TGFBI: variants seen among roughly 807,000 people sequenced by gnomAD.
TGFBI encodes transforming growth factor-beta-induced protein ig-h3.
A neutral mutation model predicts 73.7 loss-of-function variants in TGFBI; 50 were observed. The ratio of observed to expected loss-of-function variants is 0.68; its 90% CI spans 0.54 to 0.86. TGFBI has a LOEUF of 0.86. Among genes scored for constraint, TGFBI ranks in the 40% least tolerant of loss-of-function variants. TGFBI has a pLI of 0.00. For missense variants in TGFBI, 839 were observed against 877.0 expected (o/e 0.96, Z 0.55); for synonymous variants, 362 against 360.5 (o/e 1.00, Z -0.05).
intron 3 of TGFBI, chr5:136,044,902 C>A (rs987324965): frequency 2.0e-5 from 3 of 152,170 alleles, no homozygotes; most frequent in Admixed American, 1.3e-4. Flanking sequence ...TATGCATATT[C>A]TTCCATGTAC....
At chr5:136,054,460 A>G (rs1326122795) in intron 9 of TGFBI, among the ~76,000 whole-genome samples, 1 of 152,220 alleles carries the variant, frequency 6.6e-6, no homozygotes, top group African/African-American at 2.4e-5. Context: ...AGGAAGGCAG[A>G]GAAGGGGGCC....
chr5:136,059,344 G>A (rs1310166540), intron 13 of TGFBI, 130 bp downstream of exon 13: 44 of 1,343,048 alleles, frequency 3.3e-5, no homozygotes, highest in Middle Eastern at 2.7e-4. Context: ...AGTGTAATTC[G>A]TCCAAAGAAA....
intron 12 of TGFBI, among the ~76,000 whole-genome samples, chr5:136,057,983 G>A (rs1751679931): frequency 6.6e-6 from 1 of 152,062 alleles, no homozygotes; most frequent in South Asian, 2.1e-4. Flanking sequence ...TGAGGAGGGG[G>A]ATGGGAAAAG....
intron 6 of TGFBI, chr5:136,048,908 G>A (rs1165626645): frequency 1.3e-5 from 2 of 153,798 alleles, no homozygotes; most frequent in Admixed American, 6.4e-5. Flanking sequence ...AACCACTCAG[G>A]CCTTTAGAAG....
At chr5:136,056,537 G>A (rs1751634653) in intron 11 of TGFBI, 128 bp from the exon 12 acceptor site, 8 of 1,220,784 alleles carry the variant, frequency 6.6e-6, no homozygotes, top group Non-Finnish European at 9.4e-6. Context: ...CAAGGTGTGT[G>A]CATTCCAGTG....
In TGFBI at chr5:136,043,537, A is replaced by G. The variant is rs551201024; in HGVS notation, c.234-521A>G. ...TTGGCTATTCAATCAGAGAACTAGAAAATCATGAGAGATTTAATGACCACT... is the reference window on the plus strand; with the variant it reads ...TTGGCTATTCAATCAGAGAACTAGAGAATCATGAGAGATTTAATGACCACT... On this transcript the variant is annotated intron_variant, in intron 2 of 16. Coordinates refer to ENST00000442011, the MANE Select transcript of TGFBI (RefSeq NM_000358.3). Among the ~76,000 whole-genome samples, 273 of 152,304 alleles carry G rather than the reference A, an allele frequency of 1.8e-3. 1 individual carries two copies. The highest frequency in any genetic ancestry group is 3.4e-3 in the Middle Eastern group (1 of 294).
intron 2 of TGFBI, among the ~76,000 whole-genome samples, chr5:136,041,959 G>C (rs939046445): frequency 1.3e-5 from 2 of 152,204 alleles, no homozygotes; most frequent in African/African-American, 4.8e-5. Flanking sequence ...CCATGCCATA[G>C]AGAGTACTGC....
chr5:136,034,641 C>T (rs751589596), intron 2 of TGFBI, among the ~76,000 whole-genome samples: 2 of 151,988 alleles, frequency 1.3e-5, no homozygotes, highest in African/African-American at 4.8e-5. Context: ...TTGTTGATGT[C>T]TGTTTCAGCA....
intron 7 of TGFBI, among the ~76,000 whole-genome samples, chr5:136,052,202 G>A (rs372105897): frequency 2.0e-5 from 3 of 152,254 alleles, no homozygotes; most frequent in African/African-American, 7.2e-5. Flanking sequence ...GCCCTGCCCT[G>A]CCCCCTAAAG....
chr5:136,055,623 G>A, intron 10 of TGFBI, 57 bp from the exon 11 acceptor site: 9 of 1,477,268 alleles, frequency 6.1e-6, no homozygotes, highest in Admixed American at 1.9e-5. Context: ...AACAAATCAG[G>A]AGGCCCCTCG....
At chr5:136,058,035 G>A (rs1003905852) in intron 12 of TGFBI, among the ~76,000 whole-genome samples, 1 of 152,154 alleles carries the variant, frequency 6.6e-6, no homozygotes, top group Non-Finnish European at 1.5e-5. Flanking sequence ...GCACCCCTGG[G>A]GGACAGAGAG....
At chr5:136,044,028 C>T (rs770567633) in intron 2 of TGFBI, 30 bp from the exon 3 acceptor site, 1 of 1,603,442 alleles carries the variant, frequency 6.2e-7, no homozygotes, top group Non-Finnish European at 8.5e-7. Context: ...GAAGCCCTGC[C>T]TAACACAATG....
chr5:136,056,167 T>C (rs1415647507), intron 11 of TGFBI, among the ~76,000 whole-genome samples: 1 of 152,244 alleles, frequency 6.6e-6, no homozygotes, highest in Admixed American at 6.5e-5. Context: ...CCTCTCACTC[T>C]CTGCGCAGTA....
At chr5:136,059,004 C>T (rs768635626) in intron 12 of TGFBI, 86 bp from the exon 13 acceptor site, 40 of 1,513,254 alleles carry the variant, frequency 2.6e-5, no homozygotes, top group Non-Finnish European at 2.4e-5. Context: ...GGGGTGACCA[C>T]TTACATCTTC....
In TGFBI at chr5:136,047,126, G is replaced by A. The variant is rs562386979; in HGVS notation, c.624+111G>A. ...AAGCTGTAGACAACCCACCCTCTTT[G>A]TGCCTGCTTCTCCTTGGGCCCTCTA... On this transcript the variant is annotated intron_variant, in intron 5 of 16. Transcript: ENST00000442011. The A allele has an allele frequency of 6.6e-6, 10 of 1,525,466 alleles. No homozygotes were observed. In the East Asian group the frequency reaches 2.3e-4, roughly 36 times the overall value. The allele number at this position is 1,525,466 out of a possible 1,614,324, so 94.5% of individuals were successfully genotyped here. A position where few individuals can be genotyped will look rare whatever the true frequency, so the allele number is the denominator to read the frequency against.
intron 16 of TGFBI, among the ~76,000 whole-genome samples, 184 bp from the exon 17 acceptor site, chr5:136,063,002 A>C (rs45529036): frequency 9.2e-5 from 14 of 152,200 alleles, no homozygotes; most frequent in Admixed American, 2.0e-4. Context: ...TGATAGGTAC[A>C]GAAAACCAGA....
At chr5:136,041,124 C>A (rs1751329958) in intron 2 of TGFBI, among the ~76,000 whole-genome samples, 1 of 152,252 alleles carries the variant, frequency 6.6e-6, no homozygotes. Context: ...AGCTTTGACA[C>A]CTTCCCAGCC....
In TGFBI at chr5:136,047,271, C is replaced by A. The variant is rs45590438; in HGVS notation, c.625-3C>A. On this transcript the variant is annotated splice_region_variant and splice_polypyrimidine_tract_variant and intron_variant, in intron 5 of 16. Transcript: ENST00000442011. ...TGCTCATCCTTGCTGCTTCTCTGGG[C>A]AGATTGTAACTGTGAACTGTGCCCG... 3.1e-5 allele frequency: 50 copies of A among 1,613,488 alleles called. No individual in the cohort carries two copies. The African/African-American group carries it at 6.3e-4, about 20-fold the overall frequency.
intron 1 of TGFBI, among the ~76,000 whole-genome samples, chr5:136,032,700 T>C (rs1751142932): frequency 6.6e-6 from 1 of 152,306 alleles, no homozygotes; most frequent in Non-Finnish European, 1.5e-5. Flanking sequence ...GTCAGATGCA[T>C]GCCTGCCTCT....
Sources: allele counts gnomAD v4.1 joint callset (sites outside exome capture counted in the v4.1 genomes callset), GRCh38; gene constraint gnomAD v4.1.1; transcripts MANE v1.5; gene names NCBI Gene and HGNC (gene_info 2026-07-23, HGNC 2026-07-21).